TMCC1: variants seen among roughly 807,000 people sequenced by gnomAD.
TMCC1 encodes transmembrane and coiled-coil domain family 1, also known as transmembrane and coiled-coil domains protein 1.
TMCC1 carries 15 observed loss-of-function variants against 52.4 expected under a neutral mutation model. The observed-to-expected ratio is 0.29, with a 90% CI of 0.19 to 0.44. TMCC1 has a LOEUF of 0.44. Among genes scored for constraint, TMCC1 ranks in the 20% least tolerant of loss-of-function variants. The pLI, the probability that TMCC1 is intolerant of heterozygous loss-of-function variation, is 1.00. For synonymous variants in TMCC1, 279 were observed against 301.9 expected (o/e 0.92, Z 0.79); for missense variants, 503 against 806.0 (o/e 0.62, Z 4.55).
chr3:129,853,779 A>T (rs1315765627), intron 2 of TMCC1, among the ~76,000 whole-genome samples: 2 of 152,084 alleles, frequency 1.3e-5, no homozygotes, highest in Non-Finnish European at 2.9e-5. Context: ...CTAAATCATG[A>T]TCTTCCCCCA....
chr3:129,788,517 C>A (rs766991821), intron 4 of TMCC1, among the ~76,000 whole-genome samples: 7 of 151,818 alleles, frequency 4.6e-5, no homozygotes, highest in African/African-American at 9.7e-5. Context: ...GAGTGGAGTG[C>A]AGTGGCAGGA....
Position 129,649,558 on chromosome 3 carries a change from C to G in TMCC1, c.*1923G>C, listed in dbSNP as rs533577422. ...GACTGGAGTACCTGAGTTAAAATAT[C>G]AAAGTAGTTATGGAAACAACATGCT... On this transcript the variant is annotated 3_prime_UTR_variant, in exon 7 of 7. Transcript: ENST00000393238. 8.5e-5 allele frequency: 13 copies of G among 152,608 alleles called. No individual in the cohort carries two copies. Among genetic ancestry groups the G allele is most frequent in the African/African-American group, 3.1e-4 (13 of 41,514 alleles). 9.5% of individuals were successfully genotyped at this position (152,608 alleles called of 1,614,324 possible).
chr3:129,762,080 A>C lies in TMCC1; in HGVS notation c.576+65723T>G, dbSNP rs1380532868. Among the ~76,000 whole-genome samples, 9 of 142,664 alleles carry C rather than the reference A, an allele frequency of 6.3e-5. No homozygotes were observed. In the Admixed American group the frequency reaches 6.6e-4, roughly 10 times the overall value. 93.6% of individuals were successfully genotyped at this position (142,664 alleles called of 152,430 possible). Reference sequence around the variant, plus strand: ...GAGACAGAGTCTTGCTCTGTCACCCAGGCTAAAGTATAGTGGTGTGATCTT... The same window carrying C: ...GAGACAGAGTCTTGCTCTGTCACCCCGGCTAAAGTATAGTGGTGTGATCTT... On this transcript the variant is annotated intron_variant, in intron 4 of 6. Transcript: ENST00000393238.
intron 4 of TMCC1, among the ~76,000 whole-genome samples, chr3:129,694,129 C>G (rs978718928): frequency 6.6e-6 from 1 of 152,142 alleles, no homozygotes; most frequent in South Asian, 2.1e-4. Flanking sequence ...ATTAATTCAC[C>G]CAAATTTATA....
At chr3:129,796,877 T>G (rs147188802) in intron 4 of TMCC1, among the ~76,000 whole-genome samples, 10 of 152,246 alleles carry the variant, frequency 6.6e-5, no homozygotes, top group Non-Finnish European at 1.0e-4. Flanking sequence ...GAGAAAATCA[T>G]GTAGTGTTTG....
intron 2 of TMCC1, among the ~76,000 whole-genome samples, chr3:129,870,143 T>C (rs968488983): frequency 3.9e-5 from 6 of 152,100 alleles, no homozygotes; most frequent in African/African-American, 1.4e-4. Flanking sequence ...AAATAAAATA[T>C]AAAGAAATCA....
chr3:129,760,495 T>TGTGTGTG (rs370985390), intron 4 of TMCC1, among the ~76,000 whole-genome samples: 44 of 144,582 alleles, frequency 3.0e-4, no homozygotes, highest in Middle Eastern at 3.7e-3. Context: ...TGTGTGTGTG[T>TGTGTGTG]TTTTGAGACA....
rs943887750 is a variant in TMCC1, at chr3:129,654,025, C to T, written c.1647+943G>A. 3.9e-5 allele frequency among the ~76,000 whole-genome samples: 6 copies of T among 152,198 alleles called. No homozygotes were observed. The South Asian group carries it at 1.0e-3, about 26-fold the overall frequency. On this transcript the variant is annotated intron_variant, in intron 6 of 6. Coordinates refer to ENST00000393238, the MANE Select transcript of TMCC1 (RefSeq NM_001017395.5). ...AACATACGCCTAATTCCCACACCTC[C>T]CCCCAACCCCCCCAAAAAAAGTGTC...
Position 129,695,567 on chromosome 3 carries a change from G to A in TMCC1, c.577-24303C>T, listed in dbSNP as rs2047354247. Among the ~76,000 whole-genome samples, 3 of 152,012 alleles carry A rather than the reference G, an allele frequency of 2.0e-5. No individual in the cohort carries two copies. The South Asian group carries it at 6.2e-4, about 32-fold the overall frequency. ...CAACAAGAAGTGCCAAGCAAAAGGG[G>A]GAAAGCCCCTTTTAAAACTATCAGA... On this transcript the variant is annotated intron_variant, in intron 4 of 6. Coordinates refer to ENST00000393238, the MANE Select transcript of TMCC1 (RefSeq NM_001017395.5).
intron 4 of TMCC1, among the ~76,000 whole-genome samples, chr3:129,755,069 C>T (rs1301080759): frequency 6.6e-6 from 1 of 151,922 alleles, no homozygotes; most frequent in African/African-American, 2.4e-5. Context: ...CAGAGTGAGA[C>T]TCTGTCTAAA....
chr3:129,816,850 C>A (rs540469617), intron 4 of TMCC1, among the ~76,000 whole-genome samples: 1 of 151,704 alleles, frequency 6.6e-6, no homozygotes, highest in African/African-American at 2.4e-5. Flanking sequence ...ATATCAAGAC[C>A]CCATTTCTAG....
chr3:129,662,406 T>G (rs1242022357), intron 5 of TMCC1, among the ~76,000 whole-genome samples: 2 of 152,200 alleles, frequency 1.3e-5, no homozygotes, highest in Non-Finnish European at 2.9e-5. Flanking sequence ...TACTGTACCA[T>G]AGGCAACTGC....
rs2086344408 is a variant in TMCC1 at position 129,651,818 on chromosome 3, G to GTTAA, written c.1648-27_1648-24dup. ...CTCCTGTGGGCCAGAACAGGGAAGAGTTAAGCCTTCTGCTCACAAGTATTC... is the reference window on the plus strand; with the variant it reads ...CTCCTGTGGGCCAGAACAGGGAAGAGTTAATTAAGCCTTCTGCTCACAAGTATTC... On this transcript the variant is annotated intron_variant, in intron 6 of 6. Transcript: ENST00000393238. This position sits in a 1 kb window ranked among gnomAD's most constrained non-coding sequence, Gnocchi z 5.1. The GTTAA allele has an allele frequency of 1.9e-6, 3 of 1,599,606 alleles. No individual in the cohort carries two copies. In the South Asian group the frequency reaches 3.3e-5, roughly 18 times the overall value.
intron 4 of TMCC1, among the ~76,000 whole-genome samples, chr3:129,805,159 A>T (rs1043081412): frequency 4.6e-5 from 7 of 152,000 alleles, no homozygotes; most frequent in African/African-American, 1.7e-4. Context: ...CTTTTTATTT[A>T]TTTATTTATT....
At chr3:129,841,640 G>C (rs980322730) in intron 2 of TMCC1, among the ~76,000 whole-genome samples, 1 of 152,148 alleles carries the variant, frequency 6.6e-6, no homozygotes, top group African/African-American at 2.4e-5. Context: ...TTCACAAAGA[G>C]ATAGTCTGAA....
intron 4 of TMCC1, among the ~76,000 whole-genome samples, chr3:129,751,087 G>A (rs2052470436): frequency 6.6e-6 from 1 of 152,044 alleles, no homozygotes. Context: ...TGTAGTCTCA[G>A]CTACTCAGGA....
intron 4 of TMCC1, among the ~76,000 whole-genome samples, chr3:129,678,560 C>T (rs1451282142): frequency 6.6e-6 from 1 of 151,448 alleles, no homozygotes; most frequent in Non-Finnish European, 1.5e-5. Flanking sequence ...CGGAGTTTCA[C>T]CATCTTGGCC....
chr3:129,828,207 G>A lies in TMCC1; in HGVS notation c.172C>T (p.His58Tyr), dbSNP rs961419575. 6.2e-7 allele frequency: 1 copy of A among 1,614,050 alleles called. No individual in the cohort carries two copies. The highest frequency in any genetic ancestry group is 1.3e-5 in the African/African-American group (1 of 74,922). ...GACACTGATGACCTCCTGCGCTGGT[G>A]CTGGAAGAGATGCTTCAAGCCTTGG... ...IGQGLKHLFQ[H>Y]QRRRSSVSPH... Residue 58 changes from histidine to tyrosine, a missense_variant, in exon 4 of 7, where the codon CAC becomes TAC. By Grantham distance (83) the His-to-Tyr change is moderately conservative (BLOSUM62 2). This residue lies in a region of TMCC1 where 217 missense variants were observed against 297.9 expected (regional missense o/e 0.73). Coordinates refer to ENST00000393238, the MANE Select transcript of TMCC1 (RefSeq NM_001017395.5). This position sits in a 1 kb window ranked among gnomAD's most constrained non-coding sequence, Gnocchi z 4.1.
rs368584321 is a variant in TMCC1 at position 129,876,751 on chromosome 3, G to A, written c.-184+3558C>T. On this transcript the variant is annotated intron_variant, in intron 2 of 6. Coordinates refer to ENST00000393238, the MANE Select transcript of TMCC1 (RefSeq NM_001017395.5). The stretch of plus-strand genomic sequence containing the variant: ...GGGAGGATCACAAGGTCAAGAGATC[G>A]AGACCATCCTGGCTAACATGGTGAA... 7.2e-5 allele frequency among the ~76,000 whole-genome samples: 11 copies of A among 152,128 alleles called. No homozygotes were observed. In the East Asian group the frequency reaches 1.4e-3, roughly 19 times the overall value.
Sources: gnomAD v4.1 joint callset for allele counts (sites outside exome capture counted in the v4.1 genomes callset) on GRCh38, gnomAD v4.1.1 for gene constraint, gnomAD v4.1.1 regional missense constraint, Gnocchi (gnomAD v3.1) non-coding constraint, MANE v1.5 for transcripts, NCBI Gene and HGNC (gene_info 2026-07-23, HGNC 2026-07-21) for gene names.